The following PATJ variants were observed in gnomAD, a reference collection of about 807,000 sequenced individuals.
PATJ encodes inaD-like protein.
Under a neutral mutation model 224.9 loss-of-function variants are expected in PATJ, and 190 were observed. The observed-to-expected ratio is 0.84, with a 90% confidence interval of 0.75 to 0.95. The LOEUF (loss-of-function observed/expected upper bound fraction) is 0.95, where lower values mean the gene tolerates loss of function less well. Among genes scored for constraint, PATJ ranks in the 40% least tolerant of loss-of-function variants. The probability of loss-of-function intolerance (pLI) is 0.00; values close to 1 mark genes in which losing one functional copy is unlikely to be tolerated. For missense variants in PATJ, 2,121 were observed against 2,270.3 expected, an observed-to-expected ratio of 0.93 and a Z score of 1.34; for synonymous variants, 769 against 820.3, an observed-to-expected ratio of 0.94 and a Z score of 1.07.
chr1:62,160,334 G>C (rs2149078709), intron 43 of PATJ, among the ~76,000 whole-genome samples: 1 of 152,118 alleles, frequency 6.6e-6, no homozygotes, highest in Non-Finnish European at 1.5e-5. Context: ...TAAAGTGGAA[G>C]GTTTTGAATA....
At chr1:61,848,655 A>G (rs1362270067) in intron 17 of PATJ, among the ~76,000 whole-genome samples, 3 of 152,028 alleles carry the variant, frequency 2.0e-5, no homozygotes, top group Non-Finnish European at 4.4e-5. Flanking sequence ...GACTCAAGCG[A>G]TCCTACCCCC....
chr1:61,871,459 A>ATATATATTTATATACATATATATGCG (rs1666481910), intron 20 of PATJ, among the ~76,000 whole-genome samples: 1 of 56,002 alleles, frequency 1.8e-5, no homozygotes. Context: ...ATATATGCGT[A>ATATATATTTATATACATATATATGCG]TATATATGTA....
rs1342142560 is a variant in PATJ at position 61,998,004 on chromosome 1, T to TATATATA, written c.3867+7640_3867+7641insATATATA. 1.3e-3 allele frequency among the ~76,000 whole-genome samples: 138 copies of TATATATA among 104,626 alleles called. 1 individual carries two copies. The highest frequency in any genetic ancestry group is 6.3e-3 in the African/African-American group (133 of 21,120). The allele number at this position is 104,626 out of a possible 152,430, so 68.6% of individuals were successfully genotyped here. On this transcript the variant is annotated intron_variant, in intron 28 of 43. Coordinates refer to ENST00000642238, the MANE Select transcript of PATJ (RefSeq NM_001350145.3). ...AGCTTATATATGTATATATAATATA[T>TATATATA]TATATATATTAATTATATATAATAT...
chr1:61,951,687 A>C (rs1428986139), intron 27 of PATJ, among the ~76,000 whole-genome samples: 1 of 152,054 alleles, frequency 6.6e-6, no homozygotes, highest in Non-Finnish European at 1.5e-5. Flanking sequence ...TTGACTGCTT[A>C]AATAGAATCT....
At chr1:62,074,322 C>T (rs1037022320) in intron 31 of PATJ, among the ~76,000 whole-genome samples, 6 of 151,300 alleles carry the variant, frequency 4.0e-5, no homozygotes, top group African/African-American at 1.2e-4. Context: ...CAAACCTGCA[C>T]GTTGTGCACA....
intron 12 of PATJ, among the ~76,000 whole-genome samples, chr1:61,804,540 A>G (rs893671436): frequency 6.6e-6 from 1 of 152,192 alleles, no homozygotes; most frequent in Non-Finnish European, 1.5e-5. Flanking sequence ...ATCAGTTGTG[A>G]TAACTGTTCT....
chr1:61,807,443 C>G (rs1475184562), intron 13 of PATJ, among the ~76,000 whole-genome samples: 2 of 152,154 alleles, frequency 1.3e-5, no homozygotes, highest in African/African-American at 4.8e-5. Flanking sequence ...TCCCAGAGTT[C>G]TGGGATACAG....
At chr1:61,980,764 A>G (rs1035907455) in intron 27 of PATJ, among the ~76,000 whole-genome samples, 1 of 152,120 alleles carries the variant, frequency 6.6e-6, no homozygotes, top group Non-Finnish European at 1.5e-5. Flanking sequence ...CAGTGGAGCC[A>G]CATGTCTGAT....
At position 61,797,194 on chromosome 1, in the gene PATJ, T is replaced by C. The variant is rs912817389; in HGVS notation, c.1261-93T>C. ...CGGCCTAAATAATTTATTTTTGGAA[T>C]GAAAGAAATTGCCTCATTTTATTCA... On this transcript the variant is annotated intron_variant, in intron 10 of 43. Transcript: ENST00000642238. 3 of 1,361,304 alleles carry C rather than the reference T, an allele frequency of 2.2e-6. No individual in the cohort carries two copies. The African/African-American group carries it at 4.3e-5, about 20-fold the overall frequency. The allele number at this position is 1,361,304 out of a possible 1,614,324, so 84.3% of individuals were successfully genotyped here.
chr1:62,161,331 CTTTTTTTTTT>C lies in PATJ; in HGVS notation c.*293_*302del, dbSNP rs557464862. ...GCATTTAATTTCAGTGTTCCGATTT[CTTTTTTTTTT>C]TTTTTTTTTTTTTTTGAGACGGAGT... On this transcript the variant is annotated 3_prime_UTR_variant, in exon 44 of 44. Coordinates refer to ENST00000642238, the MANE Select transcript of PATJ (RefSeq NM_001350145.3). The C allele has an allele frequency of 7.4e-4, 69 of 92,940 alleles. No individual in the cohort carries two copies. Among genetic ancestry groups the C allele is most frequent in the African/African-American group, 2.6e-3 (63 of 24,610 alleles). The allele number at this position is 92,940 out of a possible 1,614,324, so 5.8% of individuals were successfully genotyped here.
chr1:61,758,033 T>C (rs1381363437), intron 1 of PATJ, among the ~76,000 whole-genome samples: 1 of 152,202 alleles, frequency 6.6e-6, no homozygotes, highest in African/African-American at 2.4e-5. Context: ...TGAAACTCTG[T>C]TTTCCTCATT....
chr1:62,021,521 C>T (rs969131374), intron 29 of PATJ, among the ~76,000 whole-genome samples: 2 of 152,152 alleles, frequency 1.3e-5, no homozygotes, highest in Admixed American at 1.3e-4. Flanking sequence ...CTAAGCAACT[C>T]TAGGTTACTT....
At chr1:61,955,902 C>T (rs1421858373) in intron 27 of PATJ, among the ~76,000 whole-genome samples, 1 of 152,324 alleles carries the variant, frequency 6.6e-6, no homozygotes, top group South Asian at 2.1e-4. Context: ...TCATGTTGTA[C>T]ATCCACTCAT....
At chr1:61,869,170 C>T (rs28717073) in intron 20 of PATJ, among the ~76,000 whole-genome samples, 3 of 133,308 alleles carry the variant, frequency 2.3e-5, no homozygotes, top group Admixed American at 7.3e-5. Context: ...GCAGTGGCGC[C>T]ATCTCGGCTC....
intron 41 of PATJ, among the ~76,000 whole-genome samples, chr1:62,145,537 G>T (rs184757364): frequency 1.3e-5 from 2 of 152,070 alleles, no homozygotes; most frequent in Non-Finnish European, 2.9e-5. Flanking sequence ...GGTGCATGCC[G>T]GTAGTCCCAG....
intron 22 of PATJ, among the ~76,000 whole-genome samples, chr1:61,891,862 C>T (rs1669651394): frequency 6.6e-6 from 1 of 152,160 alleles, no homozygotes. Context: ...GGAACATTTC[C>T]ATCACCCAGA....
At chr1:61,881,530 G>A (rs944438973) in intron 21 of PATJ, among the ~76,000 whole-genome samples, 5 of 150,996 alleles carry the variant, frequency 3.3e-5, no homozygotes, top group Non-Finnish European at 5.9e-5. Context: ...TCGTGCCTCA[G>A]CCACCTGAGT....
intron 30 of PATJ, among the ~76,000 whole-genome samples, chr1:62,040,375 G>T (rs538795052): frequency 1.3e-5 from 2 of 152,236 alleles, no homozygotes; most frequent in Middle Eastern, 6.8e-3. Context: ...TCCCAAAAGT[G>T]CTGGGATTAC....
chr1:62,052,928 G>A (rs1653892562), intron 31 of PATJ, among the ~76,000 whole-genome samples: 1 of 152,176 alleles, frequency 6.6e-6, no homozygotes, highest in Non-Finnish European at 1.5e-5. Context: ...AGTCAGGTTA[G>A]GGGAAAGTCT....
Sources: gnomAD v4.1 joint callset for allele counts (sites outside exome capture counted in the v4.1 genomes callset) on GRCh38, gnomAD v4.1.1 for gene constraint, MANE v1.5 for transcripts, NCBI Gene and HGNC (gene_info 2026-07-23, HGNC 2026-07-21) for gene names.